NRXN3: variants seen among roughly 807,000 people sequenced by gnomAD.
NRXN3 encodes neurexin 3, also known as neurexin III.
In NRXN3, 32 loss-of-function variants were observed where a neutral mutation model predicts 137.6. That is an observed-to-expected ratio of 0.23 (90% CI 0.18 to 0.31). The LOEUF (loss-of-function observed/expected upper bound fraction) is 0.31, where lower values mean the gene tolerates loss of function less well. NRXN3 is among the 10% of genes least tolerant of loss of function. The probability of loss-of-function intolerance (pLI) is 1.00; values close to 1 mark genes in which losing one functional copy is unlikely to be tolerated. For synonymous variants in NRXN3, 798 were observed against 784.5 expected (o/e 1.02, Z -0.29); for missense variants, 1,574 against 2,062.5 (o/e 0.76, Z 4.59).
intron 15 of NRXN3, among the ~76,000 whole-genome samples, chr14:79,153,099 G>C (rs2153038677): frequency 6.6e-6 from 1 of 152,058 alleles, no homozygotes; most frequent in South Asian, 2.1e-4. Context: ...TGGGCAAGGA[G>C]GTGGAGAATG....
At chr14:79,622,396 T>G (rs2098234025) in intron 16 of NRXN3, among the ~76,000 whole-genome samples, 1 of 152,188 alleles carries the variant, frequency 6.6e-6, no homozygotes, top group South Asian at 2.1e-4. Flanking sequence ...ACTTGCTAAC[T>G]GCATGGCTTT....
chr14:79,224,274 T>C (rs2070394454), intron 15 of NRXN3, among the ~76,000 whole-genome samples: 1 of 152,184 alleles, frequency 6.6e-6, no homozygotes, highest in Non-Finnish European at 1.5e-5. Context: ...GACAATGCAT[T>C]CTTTTTTGGT....
intron 6 of NRXN3, among the ~76,000 whole-genome samples, chr14:78,658,820 G>A (rs534662750): frequency 4.6e-5 from 7 of 152,298 alleles, no homozygotes; most frequent in East Asian, 3.9e-4. Flanking sequence ...AGATAAGAGC[G>A]TCTTGACAGA....
At chr14:78,606,622 A>G (rs113588127) in intron 4 of NRXN3, among the ~76,000 whole-genome samples, 3 of 152,206 alleles carry the variant, frequency 2.0e-5, no homozygotes, top group African/African-American at 7.2e-5. Context: ...CTGGAACCTA[A>G]CACAGTGTCC....
At chr14:78,930,399 G>A (rs778032111) in intron 10 of NRXN3, among the ~76,000 whole-genome samples, 10 of 152,284 alleles carry the variant, frequency 6.6e-5, no homozygotes, top group Non-Finnish European at 7.4e-5. Flanking sequence ...TAGCAGCACC[G>A]TTGCCTAAAC....
At chr14:79,241,336 A>G (rs2074254078) in intron 15 of NRXN3, among the ~76,000 whole-genome samples, 1 of 152,202 alleles carries the variant, frequency 6.6e-6, no homozygotes, top group South Asian at 2.1e-4. Flanking sequence ...TAAAAAAGAC[A>G]TATCCAAGAC....
At chr14:78,750,625 C>T (rs1476716932) in intron 8 of NRXN3, among the ~76,000 whole-genome samples, 1 of 152,194 alleles carries the variant, frequency 6.6e-6, no homozygotes, top group Non-Finnish European at 1.5e-5. Context: ...CCCTCCTCTT[C>T]CCCCAAACCA....
intron 15 of NRXN3, among the ~76,000 whole-genome samples, chr14:79,275,830 G>T (rs1158048937): frequency 6.6e-6 from 1 of 152,120 alleles, no homozygotes; most frequent in African/African-American, 2.4e-5. Context: ...ATTCCATTTA[G>T]AAATTTCAGG....
chr14:78,646,053 A>T (rs558160999), intron 5 of NRXN3, among the ~76,000 whole-genome samples: 2 of 151,736 alleles, frequency 1.3e-5, no homozygotes, highest in East Asian at 3.9e-4. Flanking sequence ...TCCCTCCGAG[A>T]CTCTTCAGTT....
intron 10 of NRXN3, among the ~76,000 whole-genome samples, chr14:78,878,315 G>A (rs184156626): frequency 6.6e-6 from 1 of 152,036 alleles, no homozygotes; most frequent in Admixed American, 6.6e-5. Context: ...AGTCCAGAGG[G>A]CACAAGTAAC....
intron 4 of NRXN3, among the ~76,000 whole-genome samples, chr14:78,451,363 T>C (rs2094547596): frequency 6.6e-6 from 1 of 152,186 alleles, no homozygotes; most frequent in Non-Finnish European, 1.5e-5. Flanking sequence ...ATTTCAGTAT[T>C]GTTGCAAGAG....
intron 15 of NRXN3, among the ~76,000 whole-genome samples, chr14:79,189,802 C>G (rs1189208377): frequency 6.6e-6 from 1 of 152,162 alleles, no homozygotes; most frequent in African/African-American, 2.4e-5. Context: ...AGTCATACAT[C>G]TGTATACATA....
chr14:78,216,491 G>A (rs2063294391), intron 1 of NRXN3, among the ~76,000 whole-genome samples: 1 of 152,076 alleles, frequency 6.6e-6, no homozygotes, highest in Admixed American at 6.6e-5. Flanking sequence ...CACAGCAGTG[G>A]GGAAGCTACA....
intron 19 of NRXN3, among the ~76,000 whole-genome samples, chr14:79,708,599 C>G (rs946117368): frequency 2.0e-5 from 3 of 151,468 alleles, no homozygotes; most frequent in Admixed American, 6.6e-5. Context: ...GCGGATATTT[C>G]CATTATGTCT....
At chr14:78,763,383 A>G (rs1427771112) in intron 8 of NRXN3, among the ~76,000 whole-genome samples, 1 of 152,146 alleles carries the variant, frequency 6.6e-6, no homozygotes, top group Admixed American at 6.5e-5. Context: ...ACAATTATAT[A>G]CCTTGAAATG....
At chr14:78,334,121 C>T (rs1335839983) in intron 4 of NRXN3, among the ~76,000 whole-genome samples, 1 of 152,012 alleles carries the variant, frequency 6.6e-6, no homozygotes, top group Admixed American at 6.5e-5. Context: ...GAGGAGGAGA[C>T]AATTTACAGG....
intron 16 of NRXN3, among the ~76,000 whole-genome samples, chr14:79,546,441 T>G (rs540060697): frequency 5.1e-4 from 77 of 152,296 alleles, no homozygotes; most frequent in African/African-American, 1.8e-3. Context: ...TGTGTTTTGG[T>G]GTTGTCATTA....
intron 10 of NRXN3, among the ~76,000 whole-genome samples, chr14:78,845,040 A>T (rs1374039109): frequency 6.6e-6 from 1 of 151,798 alleles, no homozygotes; most frequent in Non-Finnish European, 1.5e-5. Context: ...CAAACCAGTG[A>T]TGTCTGTGAT....
intron 19 of NRXN3, among the ~76,000 whole-genome samples, chr14:79,786,490 G>A (rs781006603): frequency 3.3e-5 from 5 of 152,298 alleles, no homozygotes; most frequent in Non-Finnish European, 5.9e-5. Flanking sequence ...CCTATAAGAT[G>A]TTGCTTATGT....
Sources: gnomAD v4.1 joint callset for allele counts (sites outside exome capture counted in the v4.1 genomes callset) on GRCh38, gnomAD v4.1.1 for gene constraint, MANE v1.5 for transcripts, NCBI Gene and HGNC (gene_info 2026-07-23, HGNC 2026-07-21) for gene names.